Variants in LPAR1 observed in about 807,000 individuals in gnomAD.
LPAR1 encodes LPA receptor 1.
LPAR1 carries 5 observed loss-of-function variants against 23.8 expected under a neutral mutation model. That is an observed-to-expected ratio of 0.21 (90% CI 0.11 to 0.44). LPAR1 has a LOEUF of 0.44. Ranked by LOEUF, LPAR1 falls within the 20% of genes least tolerant of loss-of-function variation. The pLI is 0.99. For missense variants in LPAR1, 311 were observed against 482.8 expected (o/e 0.64, Z 3.33); for synonymous variants, 160 against 164.7 (o/e 0.97, Z 0.22).
intron 5 of LPAR1, among the ~76,000 whole-genome samples, chr9:110,892,776 GGAAGGAAGGAA>G (rs1742002999): frequency 4.9e-5 from 2 of 40,816 alleles, no homozygotes; most frequent in African/African-American, 1.8e-4. Context: ...AGGGAAGGAA[GGAAGGAAGGAA>G]GGAAGGAAGG....
In LPAR1 at chr9:110,973,531, T is replaced by C. The variant is rs2138370949; in HGVS notation, c.-154A>G. On this transcript the variant is annotated 5_prime_UTR_variant, in exon 3 of 6. Transcript: ENST00000683809. ...GAAGTCAGGTACTCAGATAGGTGGA[T>C]GGGGAGCTTCATAAATCAGACGTCC... 1 of 152,290 alleles carries C rather than the reference T, an allele frequency of 6.6e-6. No individual in the cohort carries two copies. The highest frequency in any genetic ancestry group is 2.4e-5 in the African/African-American group (1 of 41,586). The allele number at this position is 152,290 out of a possible 1,614,324, so 9.4% of individuals were successfully genotyped here.
intron 2 of LPAR1, among the ~76,000 whole-genome samples, chr9:111,014,727 T>C (rs920981322): frequency 6.6e-6 from 1 of 152,098 alleles, no homozygotes; most frequent in Non-Finnish European, 1.5e-5. Flanking sequence ...TGATTTTAAA[T>C]ACCAAATCTG....
intron 5 of LPAR1, among the ~76,000 whole-genome samples, chr9:110,926,424 C>T (rs2094035809): frequency 6.6e-6 from 1 of 152,196 alleles, no homozygotes; most frequent in Admixed American, 6.5e-5. Flanking sequence ...CATCCTCATT[C>T]TTGGGGGAAA....
chr9:110,970,341 T>G (rs1296924035), intron 4 of LPAR1, among the ~76,000 whole-genome samples: 6 of 152,146 alleles, frequency 3.9e-5, no homozygotes, highest in African/African-American at 9.7e-5. Flanking sequence ...TAACAGGCAC[T>G]AAATCTCTTT....
chr9:110,906,511 C>A (rs902391574), intron 5 of LPAR1, among the ~76,000 whole-genome samples: 2 of 151,962 alleles, frequency 1.3e-5, no homozygotes, highest in South Asian at 2.1e-4. Flanking sequence ...TAGTACCAAC[C>A]CAACACATGC....
intron 5 of LPAR1, among the ~76,000 whole-genome samples, chr9:110,893,715 A>C (rs1052576201): frequency 9.2e-5 from 14 of 152,184 alleles, no homozygotes; most frequent in African/African-American, 3.4e-4. Context: ...AAAGTCCTGG[A>C]ACCCACTGGG....
chr9:110,926,598 G>A (rs1161234567), intron 5 of LPAR1, among the ~76,000 whole-genome samples: 1 of 152,144 alleles, frequency 6.6e-6, no homozygotes, highest in Non-Finnish European at 1.5e-5. Flanking sequence ...TAGTGTGGAT[G>A]TTTCAAATAT....
At chr9:110,892,525 G>A (rs137941326) in intron 5 of LPAR1, among the ~76,000 whole-genome samples, 5,128 of 152,012 alleles carry the variant, frequency 0.034, 268 homozygotes, top group African/African-American at 0.12. Flanking sequence ...TTAGCCAGGC[G>A]AGGTGGCGTG....
intron 2 of LPAR1, among the ~76,000 whole-genome samples, chr9:111,010,364 G>T (rs894647377): frequency 2.6e-5 from 4 of 151,964 alleles, no homozygotes; most frequent in Admixed American, 2.6e-4. Flanking sequence ...GAACAAGAGC[G>T]CCAGTCAGAG....
intron 2 of LPAR1, among the ~76,000 whole-genome samples, chr9:111,031,135 A>T (rs995502200): frequency 6.6e-6 from 1 of 151,950 alleles, no homozygotes; most frequent in Non-Finnish European, 1.5e-5. Context: ...GCAAAAAAAA[A>T]TTTTGTAAAT....
At chr9:110,891,277 A>G (rs548019124) in intron 5 of LPAR1, among the ~76,000 whole-genome samples, 2 of 152,362 alleles carry the variant, frequency 1.3e-5, no homozygotes, top group South Asian at 4.1e-4. Context: ...ATCATCATCT[A>G]GCAAAAGTAT....
At chr9:110,944,479 C>T (rs999443272) in intron 4 of LPAR1, among the ~76,000 whole-genome samples, 1 of 152,068 alleles carries the variant, frequency 6.6e-6, no homozygotes, top group Non-Finnish European at 1.5e-5. Context: ...AAAGTCTGTT[C>T]TTTTCATTAG....
Position 110,875,312 on chromosome 9 carries a change from G to C in LPAR1, c.*109C>G. 1 of 842,792 alleles carries C rather than the reference G, an allele frequency of 1.2e-6. No homozygotes were observed. The highest frequency in any genetic ancestry group is 1.8e-6 in the Non-Finnish European group (1 of 548,412). 52.2% of individuals were successfully genotyped at this position (842,792 alleles called of 1,614,324 possible). A position where few individuals can be genotyped will look rare whatever the true frequency, so the allele number is the denominator to read the frequency against. The stretch of plus-strand genomic sequence containing the variant: ...GTCATTGGTTAGTGTTTAAGTACAT[G>C]AGTTGACTTTTCTCCTCTCTCACAC... On this transcript the variant is annotated 3_prime_UTR_variant, in exon 6 of 6. Coordinates refer to ENST00000683809, the MANE Select transcript of LPAR1 (RefSeq NM_001351411.2).
chr9:111,022,988 T>C (rs1243627204), intron 2 of LPAR1, among the ~76,000 whole-genome samples: 2 of 146,178 alleles, frequency 1.4e-5, no homozygotes, highest in Non-Finnish European at 3.0e-5. Flanking sequence ...CAAGCAGAGC[T>C]TGCAGTGAGC....
chr9:110,985,991 T>A (rs2096773416), intron 2 of LPAR1, among the ~76,000 whole-genome samples: 1 of 152,102 alleles, frequency 6.6e-6, no homozygotes, highest in African/African-American at 2.4e-5. Context: ...ATCTACATTT[T>A]AAGGGGAAAT....
chr9:111,001,964 T>C (rs2097136657), intron 2 of LPAR1, among the ~76,000 whole-genome samples: 1 of 152,042 alleles, frequency 6.6e-6, no homozygotes, highest in Non-Finnish European at 1.5e-5. Context: ...GGATAAAAAC[T>C]TCCAAAATGA....
chr9:110,882,772 A>T (rs1039626029), intron 5 of LPAR1, among the ~76,000 whole-genome samples: 5 of 150,466 alleles, frequency 3.3e-5, no homozygotes, highest in African/African-American at 1.2e-4. Flanking sequence ...AATTCTTTTC[A>T]GAGACCTGAA....
chr9:111,025,139 T>C (rs1020301498), intron 2 of LPAR1, among the ~76,000 whole-genome samples: 1 of 152,214 alleles, frequency 6.6e-6, no homozygotes, highest in Non-Finnish European at 1.5e-5. Context: ...TCTTCCACAA[T>C]GGTTGAACTA....
intron 4 of LPAR1, among the ~76,000 whole-genome samples, chr9:110,952,281 C>A (rs1331649078): frequency 6.6e-6 from 1 of 152,126 alleles, no homozygotes; most frequent in Non-Finnish European, 1.5e-5. Flanking sequence ...CCAATCCTAG[C>A]CACAGGAGAG....
Sources: gnomAD v4.1 joint callset for allele counts (sites outside exome capture counted in the v4.1 genomes callset) on GRCh38, gnomAD v4.1.1 for gene constraint, MANE v1.5 for transcripts, NCBI Gene and HGNC (gene_info 2026-07-23, HGNC 2026-07-21) for gene names.